DENND4C: variants seen among roughly 807,000 people sequenced by gnomAD.
The protein encoded by DENND4C is DENN domain-containing protein 4C.
In DENND4C, 108 loss-of-function variants were observed where a neutral mutation model predicts 203.0. That is an observed-to-expected ratio of 0.53 (90% CI 0.46 to 0.62). The LOEUF is 0.62. Among genes scored for constraint, DENND4C ranks in the 20% least tolerant of loss-of-function variants. DENND4C has a pLI of 0.00. For synonymous variants in DENND4C, 871 were observed against 792.4 expected, an observed-to-expected ratio of 1.10 and a Z score of -1.67; for missense variants, 2,481 against 2,301.2, an observed-to-expected ratio of 1.08 and a Z score of -1.60.
chr9:19,284,719 A>T (rs1378356882), intron 2 of DENND4C, among the ~76,000 whole-genome samples: 1 of 151,940 alleles, frequency 6.6e-6, no homozygotes, highest in Non-Finnish European at 1.5e-5. Context: ...GATTTTCTTT[A>T]TTCTTTTGCT....
intron 1 of DENND4C, among the ~76,000 whole-genome samples, chr9:19,265,813 A>G (rs1343369148): frequency 6.6e-6 from 1 of 152,226 alleles, no homozygotes; most frequent in East Asian, 1.9e-4. Flanking sequence ...ATAGTATTCC[A>G]TGGTGTATAT....
chr9:19,280,697 C>CTT (rs35432447), intron 2 of DENND4C, among the ~76,000 whole-genome samples: 11 of 148,182 alleles, frequency 7.4e-5, no homozygotes, highest in East Asian at 2.0e-4. Context: ...TTTTAGGCAT[C>CTT]TTTTTTTTTT....
intron 13 of DENND4C, among the ~76,000 whole-genome samples, chr9:19,325,296 T>C (rs1843540811): frequency 6.6e-6 from 1 of 152,132 alleles, no homozygotes; most frequent in Admixed American, 6.5e-5. Context: ...TACCCACCCA[T>C]CCTAAGGAAG....
chr9:19,232,006 G>C (rs997807375), intron 1 of DENND4C, among the ~76,000 whole-genome samples: 10 of 152,122 alleles, frequency 6.6e-5, no homozygotes, highest in Non-Finnish European at 2.9e-5. Flanking sequence ...GCAGAGCGTT[G>C]TATGATTTTT....
Position 19,366,039 on chromosome 9 carries a change from G to C in DENND4C, c.5525-3798G>C, listed in dbSNP as rs1017112492. Among the ~76,000 whole-genome samples the C allele has an allele frequency of 7.9e-5, 12 of 152,264 alleles. No homozygotes were observed. In the South Asian group the frequency reaches 2.5e-3, roughly 32 times the overall value. On this transcript the variant is annotated intron_variant, in intron 30 of 32. Transcript: ENST00000434457. ...AATGCAGTCCCTATCAGAATTTCAG[G>C]TAGCTTCTTTACGTAAATTGACAAG...
intron 2 of DENND4C, among the ~76,000 whole-genome samples, chr9:19,281,257 G>A (rs576343321): frequency 9.9e-5 from 15 of 152,226 alleles, no homozygotes; most frequent in Non-Finnish European, 2.2e-4. Context: ...TTTTGTTATG[G>A]TAGTTTATTG....
chr9:19,246,940 A>G (rs552053631), intron 1 of DENND4C, among the ~76,000 whole-genome samples: 1 of 152,268 alleles, frequency 6.6e-6, no homozygotes, highest in Admixed American at 6.5e-5. Context: ...AGAATTGCTC[A>G]TTCTCAGTAT....
At chr9:19,334,170 A>G (rs1012151984) in intron 17 of DENND4C, among the ~76,000 whole-genome samples, 1 of 152,106 alleles carries the variant, frequency 6.6e-6, no homozygotes, top group Non-Finnish European at 1.5e-5. Context: ...TCACTCTCCC[A>G]AAGTAGCTGG....
chr9:19,360,215 T>C, intron 28 of DENND4C, 29 bp from the exon 29 acceptor site: 2 of 1,600,354 alleles, frequency 1.2e-6, no homozygotes, highest in African/African-American at 1.3e-5. Flanking sequence ...AAACAGATAA[T>C]ATTAATTTCT....
At chr9:19,267,993 T>G (rs1410117634) in intron 1 of DENND4C, among the ~76,000 whole-genome samples, 1 of 152,142 alleles carries the variant, frequency 6.6e-6, no homozygotes, top group Non-Finnish European at 1.5e-5. Flanking sequence ...TCTGGTCTTC[T>G]TTTCCTTCCT....
At chr9:19,326,609 T>C (rs1388297598) in intron 15 of DENND4C, among the ~76,000 whole-genome samples, 1 of 152,150 alleles carries the variant, frequency 6.6e-6, no homozygotes, top group East Asian at 1.9e-4. Context: ...ATGTGACTCT[T>C]TTAAGAAATT....
Position 19,346,959 on chromosome 9 carries a change from T to G in DENND4C, c.4190T>G (p.Leu1397Arg), listed in dbSNP as rs1455720617. 1 of 1,614,208 alleles carries G rather than the reference T, an allele frequency of 6.2e-7. No individual in the cohort carries two copies. The highest frequency in any genetic ancestry group is 1.1e-5 in the South Asian group (1 of 91,092). ...TCTGTAGTAAATTCTTTGTCAGGGC[T>G]AAAGCTGGATAATATACTCTCAGGG... The part of the protein sequence containing the change: ...LGSVVNSLSG[L>R]KLDNILSGPK... The change falls in exon 23 of 33, where the codon CTA becomes CGA. Residue 1397 changes from leucine to arginine, a missense_variant. Physicochemically the swap from Leu to Arg is moderately radical, Grantham distance 102. Around this residue, in one of 3 missense-constraint regions of DENND4C, gnomAD observed 2,289 missense variants for 2,113.3 expected, o/e 1.08. Coordinates refer to ENST00000434457, the MANE Select transcript of DENND4C (RefSeq NM_001330640.2).
intron 6 of DENND4C, among the ~76,000 whole-genome samples, chr9:19,296,659 C>T (rs1837535555): frequency 6.6e-6 from 1 of 152,148 alleles, no homozygotes; most frequent in African/African-American, 2.4e-5. Flanking sequence ...TTACTTACTC[C>T]CTTCTTCGCC....
chr9:19,231,134 C>G (rs917176550), intron 1 of DENND4C, among the ~76,000 whole-genome samples: 13 of 152,202 alleles, frequency 8.5e-5, no homozygotes, highest in African/African-American at 3.1e-4. Flanking sequence ...CGTTTGCGTA[C>G]AAGCGCGAGG....
chr9:19,260,117 C>T (rs1289785521), intron 1 of DENND4C, among the ~76,000 whole-genome samples: 1 of 152,144 alleles, frequency 6.6e-6, no homozygotes, highest in Non-Finnish European at 1.5e-5. Flanking sequence ...ATATCCTTGC[C>T]AGCATTTGTT....
At chr9:19,257,759 A>C (rs1352337557) in intron 1 of DENND4C, among the ~76,000 whole-genome samples, 6 of 152,224 alleles carry the variant, frequency 3.9e-5, no homozygotes, top group Admixed American at 6.5e-5. Context: ...ATTATGAACA[A>C]CTTTATGCCA....
intron 18 of DENND4C, among the ~76,000 whole-genome samples, chr9:19,335,853 A>G (rs926701340): frequency 6.6e-6 from 1 of 151,916 alleles, no homozygotes; most frequent in Non-Finnish European, 1.5e-5. Context: ...TACTGATTTC[A>G]TTTCTTTTGC....
intron 28 of DENND4C, among the ~76,000 whole-genome samples, chr9:19,359,354 C>G (rs1019085483): frequency 1.3e-5 from 2 of 151,770 alleles, no homozygotes; most frequent in African/African-American, 4.9e-5. Flanking sequence ...TAACTGGAAC[C>G]ACAGGCACAC....
chr9:19,371,725 C>A, intron 31 of DENND4C, 31 bp from the exon 32 acceptor site: 1 of 1,137,996 alleles, frequency 8.8e-7, no homozygotes, highest in South Asian at 1.4e-5. Flanking sequence ...GCTATTTGCC[C>A]ATTGACTTTT....
Sources: gnomAD v4.1 joint callset for allele counts (sites outside exome capture counted in the v4.1 genomes callset) on GRCh38, gnomAD v4.1.1 for gene constraint, gnomAD v4.1.1 regional missense constraint, MANE v1.5 for transcripts, NCBI Gene and HGNC (gene_info 2026-07-23, HGNC 2026-07-21) for gene names.